Variants in BRPF1 observed in about 807,000 individuals in gnomAD.
The protein encoded by BRPF1 is peregrin.
Under a neutral mutation model 115.0 loss-of-function variants are expected in BRPF1, and 15 were observed. That is an observed-to-expected ratio of 0.13 (90% CI 0.09 to 0.20). The LOEUF is 0.20. Among genes scored for constraint, BRPF1 ranks in the 10% least tolerant of loss-of-function variants. BRPF1 has a pLI of 1.00. For synonymous variants in BRPF1, 647 were observed against 619.8 expected (o/e 1.04, Z -0.65); for missense variants, 1,118 against 1,638.3 (o/e 0.68, Z 5.48).
intron 2 of BRPF1, among the ~76,000 whole-genome samples, chr3:9,736,574 C>G (rs1334798040): frequency 6.6e-6 from 1 of 152,146 alleles, no homozygotes; most frequent in Non-Finnish European, 1.5e-5. Context: ...TCTCTCTGCT[C>G]TAACAGGCAG....
In BRPF1 at chr3:9,747,175, G is replaced by T; in HGVS notation, c.3489G>T (p.Leu1163=). ...FFDNKRTWQW[L]PRTKLVPLGV... ...TCACCTTATCCTATAGGCAGTGGCT[G>T]CCCAGGACCAAGCTGGTTCCTCTGG... Residue 1163 remains leucine (L), a synonymous_variant, in exon 14 of 14, where the codon CTG becomes CTT. Coordinates refer to ENST00000383829, the MANE Select transcript of BRPF1 (RefSeq NM_001003694.2). This position sits in a 1 kb window ranked among gnomAD's most constrained non-coding sequence, Gnocchi z 5.6. The T allele has an allele frequency of 6.2e-7, 1 of 1,614,114 alleles. No individual in the cohort carries two copies. The highest frequency in any genetic ancestry group is 2.2e-5 in the East Asian group (1 of 44,872).
chr3:9,744,093 C>T (rs2077080219), intron 8 of BRPF1, 131 bp from the exon 9 acceptor site: 1 of 1,329,686 alleles, frequency 7.5e-7, no homozygotes, highest in Non-Finnish European at 1.0e-6. Flanking sequence ...TTCCAAATTC[C>T]AAGCCCCTAA....
intron 9 of BRPF1, 41 bp from the exon 10 acceptor site, chr3:9,744,967 C>A (rs904111306): frequency 1.2e-6 from 2 of 1,613,848 alleles, no homozygotes; most frequent in Admixed American, 3.3e-5. Flanking sequence ...TCTACATCTT[C>A]CTGACCGGTT....
rs563555350 is a variant in BRPF1 at position 9,742,872 on chromosome 3, C to T, written c.2002-72C>T. On this transcript the variant is annotated intron_variant, in intron 6 of 13. Transcript: ENST00000383829. ...GGTTGCTGGATGTGTTTCAGGGGGGCTTGTTAGGAGCAGGGTTCGGGGCAA... is the reference window on the plus strand; with the variant it reads ...GGTTGCTGGATGTGTTTCAGGGGGGTTTGTTAGGAGCAGGGTTCGGGGCAA... 498 of 1,506,024 alleles carry T rather than the reference C, an allele frequency of 3.3e-4. No individual in the cohort carries two copies. In the African/African-American group the frequency reaches 5.4e-3, roughly 16 times the overall value. The allele number at this position is 1,506,024 out of a possible 1,614,324, so 93.3% of individuals were successfully genotyped here.
rs764004741 is a variant in BRPF1, at chr3:9,739,851, GAAGGCC to G, written c.1462_1467del (p.Ala488_Lys489del). The G allele has an allele frequency of 1.3e-6, 2 of 1,591,776 alleles. No individual in the cohort carries two copies. Among genetic ancestry groups the G allele is most frequent in the Non-Finnish European group, 8.6e-7 (1 of 1,169,016 alleles). Reference sequence around the variant, plus strand: ...AGGGCTGGAGCTCAGAGAAAGTCAAGAAGGCCAAGGCCAAGTCCCGGATCAAAATGA... The same window carrying G: ...AGGGCTGGAGCTCAGAGAAAGTCAAGAAGGCCAAGTCCCGGATCAAAATGA... On this transcript the variant is annotated inframe_deletion, in exon 3 of 14. Transcript: ENST00000383829.
intron 9 of BRPF1, 64 bp from the exon 10 acceptor site, chr3:9,744,944 A>C: frequency 5.0e-6 from 8 of 1,606,142 alleles, no homozygotes; most frequent in Non-Finnish European, 6.8e-6. Flanking sequence ...TCTTACCTCC[A>C]TGTCATCTCT....
At chr3:9,741,529 C>A in intron 5 of BRPF1, 90 bp downstream of exon 5, 3 of 1,277,852 alleles carry the variant, frequency 2.3e-6, no homozygotes, top group Non-Finnish European at 3.0e-6. Context: ...CCCAGCTACT[C>A]GGGAGGCTGA....
In BRPF1 at chr3:9,743,613, C is replaced by G; in HGVS notation, c.2347C>G (p.Gln783Glu). 1 of 1,613,352 alleles carries G rather than the reference C, an allele frequency of 6.2e-7. No homozygotes were observed. Among genetic ancestry groups the G allele is most frequent in the Non-Finnish European group, 8.5e-7 (1 of 1,179,894 alleles). The change falls in exon 8 of 14, where the codon CAG becomes GAG. Residue 783 changes from glutamine to glutamate, a missense_variant. Gln to Glu is a conservative substitution (Grantham distance 29). Transcript: ENST00000383829. The surrounding 1 kb of genome is among the most constrained non-coding windows in gnomAD (Gnocchi z 6.1). ...AGAGCGGCTGGTCTTGCTGGAGAAC[C>G]AGAAGCACCTGCCAGTGGAAGAACA... The part of the protein sequence containing the change: ...EEERLVLLEN[Q>E]KHLPVEEQLK...
At chr3:9,744,687 G>A (rs1022576363) in intron 9 of BRPF1, among the ~76,000 whole-genome samples, 179 bp downstream of exon 9, 2 of 152,180 alleles carry the variant, frequency 1.3e-5, no homozygotes, top group Non-Finnish European at 2.9e-5. Flanking sequence ...GAGACACTAC[G>A]ACCCAGCTAA....
At chr3:9,744,134 G>T in intron 8 of BRPF1, 90 bp from the exon 9 acceptor site, 14 of 1,418,886 alleles carry the variant, frequency 9.9e-6, no homozygotes, top group Non-Finnish European at 1.3e-5. Context: ...CTGGAGTAAT[G>T]GTCCTATATG....
chr3:9,741,040 C>G lies in BRPF1; in HGVS notation c.1722+99C>G, dbSNP rs954190083. ...TTTCCAGTGTCAGAGGGCTTAGACTCTTTCCTCCTTTAAGCTAGCCCTCAA... is the reference window on the plus strand; with the variant it reads ...TTTCCAGTGTCAGAGGGCTTAGACTGTTTCCTCCTTTAAGCTAGCCCTCAA... On this transcript the variant is annotated intron_variant, in intron 4 of 13. Transcript: ENST00000383829. 2.3e-6 allele frequency: 3 copies of G among 1,312,104 alleles called. No homozygotes were observed. The African/African-American group carries it at 4.4e-5, about 19-fold the overall frequency. The allele number at this position is 1,312,104 out of a possible 1,614,324, so 81.3% of individuals were successfully genotyped here. A position where few individuals can be genotyped will look rare whatever the true frequency, so the allele number is the denominator to read the frequency against.
At chr3:9,736,414 CT>C (rs373951754) in intron 2 of BRPF1, among the ~76,000 whole-genome samples, 137 of 152,294 alleles carry the variant, frequency 9.0e-4, no homozygotes, top group African/African-American at 2.2e-3. Flanking sequence ...CTCTCCCATT[CT>C]TTCATCTTTT....
chr3:9,735,432 C>A (rs557763374), intron 2 of BRPF1, among the ~76,000 whole-genome samples: 1 of 152,188 alleles, frequency 6.6e-6, no homozygotes, highest in Non-Finnish European at 1.5e-5. Context: ...GATTCCTGGT[C>A]CTCTCCATTT....
intron 6 of BRPF1, chr3:9,742,561 A>AG: frequency 1.0e-6 from 1 of 984,808 alleles, no homozygotes; most frequent in Non-Finnish European, 1.2e-6. Context: ...GAGAGGCCTG[A>AG]GGCAGCAGCC....
chr3:9,737,943 A>T (rs929735647), intron 2 of BRPF1, among the ~76,000 whole-genome samples: 2 of 152,160 alleles, frequency 1.3e-5, no homozygotes, highest in Admixed American at 1.3e-4. Flanking sequence ...TCGTTCTGTC[A>T]TCAGTAAAAC....
chr3:9,742,195 C>T (rs1559663207), intron 6 of BRPF1, 24 bp downstream of exon 6: 1 of 1,612,224 alleles, frequency 6.2e-7, no homozygotes, highest in Non-Finnish European at 8.5e-7. Flanking sequence ...CCCCTCACTC[C>T]ACCTTCTCTC....
Position 9,745,173 on chromosome 3 carries a change from C to A in BRPF1, c.3068+18C>A, listed in dbSNP as rs769764940. On this transcript the variant is annotated intron_variant, in intron 10 of 13. Transcript: ENST00000383829. The surrounding 1 kb of genome is among the most constrained non-coding windows in gnomAD (Gnocchi z 5.1). ...CGGACCAGGTACCAGCCCTCCAGAT[C>A]GAGGCCAACCTCAGGGGATGCCCTT... is the stretch of plus-strand genomic sequence containing the variant. The A allele has an allele frequency of 6.2e-7, 1 of 1,611,310 alleles. No homozygotes were observed. Among genetic ancestry groups the A allele is most frequent in the Non-Finnish European group, 8.5e-7 (1 of 1,178,854 alleles).
rs1160535659 is a variant in BRPF1, at chr3:9,734,524, G to A, written c.384G>A (p.Glu128=). Residue 128 remains glutamate, a synonymous_variant, in exon 2 of 14, where the codon GAG becomes GAA. Coordinates refer to ENST00000383829, the MANE Select transcript of BRPF1 (RefSeq NM_001003694.2). The surrounding 1 kb of genome is among the most constrained non-coding windows in gnomAD (Gnocchi z 5.7). ...VVSEDEEAPE[E]APENGSNKEN... is the part of the protein sequence containing the mutation. ...CAGAGGATGAGGAAGCCCCCGAGGA[G>A]GCCCCTGAGAATGGCAGCAACAAGG... 5 of 1,614,022 alleles carry A rather than the reference G, an allele frequency of 3.1e-6. No homozygotes were observed. Among genetic ancestry groups the A allele is most frequent in the African/African-American group, 2.7e-5 (2 of 74,892 alleles).
Position 9,746,281 on chromosome 3 carries a change from G to T in BRPF1, c.3325-19G>T. 3 of 1,530,820 alleles carry T rather than the reference G, an allele frequency of 2.0e-6. No individual in the cohort carries two copies. Among genetic ancestry groups the T allele is most frequent in the South Asian group, 1.3e-5 (1 of 79,890 alleles). 94.8% of individuals were successfully genotyped at this position (1,530,820 alleles called of 1,614,324 possible). Reference sequence around the variant, plus strand: ...GAGGACATGGACTGAACCAAACTGGGCTCTTATTATATCCTCAGATCATTG... The same window carrying T: ...GAGGACATGGACTGAACCAAACTGGTCTCTTATTATATCCTCAGATCATTG... On this transcript the variant is annotated intron_variant, in intron 12 of 13. Transcript: ENST00000383829.
Sources: allele counts gnomAD v4.1 joint callset (sites outside exome capture counted in the v4.1 genomes callset), GRCh38; gene constraint gnomAD v4.1.1; non-coding constraint Gnocchi (gnomAD v3.1); transcripts MANE v1.5; gene names NCBI Gene and HGNC (gene_info 2026-07-23, HGNC 2026-07-21).